XRCC5: variants seen among roughly 807,000 people sequenced by gnomAD.
XRCC5 encodes DNA repair protein Ku80.
A neutral mutation model predicts 95.7 loss-of-function variants in XRCC5; 12 were observed. That is an observed-to-expected ratio of 0.13 (90% confidence interval 0.08 to 0.20). The LOEUF (loss-of-function observed/expected upper bound fraction) is 0.20. Among genes scored for constraint, XRCC5 ranks in the 10% least tolerant of loss-of-function variants. XRCC5 has a pLI of 1.00. For synonymous variants in XRCC5, 281 were observed against 290.3 expected (o/e 0.97, Z 0.33); for missense variants, 595 against 873.9 (o/e 0.68, Z 4.02).
chr2:216,142,321 A>G (rs1350324175), intron 13 of XRCC5, among the ~76,000 whole-genome samples: 2 of 152,218 alleles, frequency 1.3e-5, no homozygotes, highest in African/African-American at 2.4e-5. Context: ...AAAATTTCAT[A>G]ATTAAAGGGA....
At chr2:216,123,507 A>G (rs1420876298) in intron 6 of XRCC5, among the ~76,000 whole-genome samples, 4 of 152,194 alleles carry the variant, frequency 2.6e-5, no homozygotes, top group Non-Finnish European at 4.4e-5. Context: ...TACCCATGAT[A>G]TCACAAAGAA....
intron 16 of XRCC5, among the ~76,000 whole-genome samples, chr2:216,187,821 A>ACACACT (rs1312215177): frequency 2.9e-4 from 14 of 47,966 alleles, no homozygotes; most frequent in African/African-American, 1.0e-3. Flanking sequence ...ACACACACAC[A>ACACACT]CTCTCTCTCT....
chr2:216,191,905 CT>C (rs1689620932), intron 17 of XRCC5, among the ~76,000 whole-genome samples: 1 of 152,098 alleles, frequency 6.6e-6, no homozygotes, highest in Non-Finnish European at 1.5e-5. Flanking sequence ...AATAATTTGA[CT>C]GAAATTTGCT....
At position 216,206,094 on chromosome 2, in the gene XRCC5, C is replaced by T. The variant is rs952176947; in HGVS notation, c.*892C>T. On this transcript the variant is annotated 3_prime_UTR_variant, in exon 21 of 21. Transcript: ENST00000392132. ...CTTTCATCTTTGTGGATGGTGTCTC[C>T]TTTACTAAATAAGAAAATAACAAAG... 1.3e-5 allele frequency: 2 copies of T among 152,150 alleles called. No individual in the cohort carries two copies. The highest frequency in any genetic ancestry group is 1.3e-4 in the Admixed American group (2 of 15,272). The allele number at this position is 152,150 out of a possible 1,614,324, so 9.4% of individuals were successfully genotyped here.
In XRCC5 at chr2:216,132,337, T is replaced by C. The variant is rs772381040; in HGVS notation, c.1063T>C (p.Phe355Leu). ...TCCTCTCTTGTAGGTTCAGAGAAGA[T>C]TCTTCATGGGAAATCAAGTTCTAAA... The part of the protein sequence containing the change: ...FCKSSQVQRR[F>L]FMGNQVLKVF... The change falls in exon 10 of 21, where the codon TTC (phenylalanine) becomes CTC (leucine). Residue 355 changes from phenylalanine (F) to leucine (L), a missense_variant. Physicochemically the swap from Phe to Leu is conservative, Grantham distance 22. This residue lies in a region of XRCC5 where 286 missense variants were observed against 491.1 expected (regional missense o/e 0.58). Coordinates refer to ENST00000392132, the MANE Select transcript of XRCC5 (RefSeq NM_021141.4). The C allele has an allele frequency of 1.2e-6, 2 of 1,613,998 alleles. No individual in the cohort carries two copies. The highest frequency in any genetic ancestry group is 4.5e-5 in the East Asian group (2 of 44,874).
intron 16 of XRCC5, among the ~76,000 whole-genome samples, chr2:216,165,030 A>G (rs1040491363): frequency 6.6e-6 from 1 of 152,208 alleles, no homozygotes; most frequent in African/African-American, 2.4e-5. Context: ...ATAGCATGTA[A>G]GTTAACAATT....
chr2:216,154,630 A>G (rs1483874769), intron 14 of XRCC5, among the ~76,000 whole-genome samples: 1 of 152,256 alleles, frequency 6.6e-6, no homozygotes, highest in Non-Finnish European at 1.5e-5. Context: ...TCTTAAAAGT[A>G]GTGATTCTTA....
Position 216,199,654 on chromosome 2 carries a change from G to A in XRCC5, c.2109+4668G>A, listed in dbSNP as rs945627847. Among the ~76,000 whole-genome samples, 4 of 152,162 alleles carry A rather than the reference G, an allele frequency of 2.6e-5. No individual in the cohort carries two copies. In the East Asian group the frequency reaches 7.7e-4, roughly 29 times the overall value. On this transcript the variant is annotated intron_variant, in intron 19 of 20. Transcript: ENST00000392132. Reference sequence around the variant, plus strand: ...TGCTCTTCATCTGTCAGTTCTCCTGGCTCTGTAGTGGGTGGAAGAGGTAAA... The same window carrying A: ...TGCTCTTCATCTGTCAGTTCTCCTGACTCTGTAGTGGGTGGAAGAGGTAAA...
intron 12 of XRCC5, among the ~76,000 whole-genome samples, chr2:216,139,024 A>T (rs1285883310): frequency 6.6e-6 from 1 of 152,148 alleles, no homozygotes; most frequent in Non-Finnish European, 1.5e-5. Flanking sequence ...TCCTTCTAGA[A>T]ATGAGTCTGT....
At chr2:216,156,644 C>A (rs1688848236) in intron 14 of XRCC5, 1 of 556,170 alleles carries the variant, frequency 1.8e-6, no homozygotes, top group Non-Finnish European at 3.6e-6. Flanking sequence ...CATATAGTGA[C>A]CCCAAATGCA....
At chr2:216,194,466 CAA>C (rs984148443) in intron 18 of XRCC5, among the ~76,000 whole-genome samples, 2 of 152,126 alleles carry the variant, frequency 1.3e-5, no homozygotes, top group Admixed American at 6.5e-5. Context: ...AAGGAATAAA[CAA>C]AGTGATCTGA....
intron 16 of XRCC5, among the ~76,000 whole-genome samples, chr2:216,184,606 C>T (rs979793068): frequency 2.0e-5 from 3 of 152,194 alleles, no homozygotes; most frequent in African/African-American, 7.2e-5. Context: ...CCTCAGCCTC[C>T]TGAGTAGCTG....
At chr2:216,136,944 T>C (rs1697091772) in intron 10 of XRCC5, 144 bp from the exon 11 acceptor site, 1 of 873,170 alleles carries the variant, frequency 1.1e-6, no homozygotes, top group African/African-American at 1.7e-5. Context: ...CAAAAGCAAA[T>C]GTGTGCACTT....
chr2:216,115,459 T>C (rs981152031), intron 2 of XRCC5, among the ~76,000 whole-genome samples: 8 of 152,200 alleles, frequency 5.3e-5, no homozygotes, highest in African/African-American at 1.7e-4. Context: ...GGCAGATACC[T>C]GCCCAGCCAG....
chr2:216,204,460 C>T (rs1375584890), intron 20 of XRCC5, 64 bp downstream of exon 20: 2 of 1,549,990 alleles, frequency 1.3e-6, no homozygotes, highest in Non-Finnish European at 1.8e-6. Flanking sequence ...TAAATACAGC[C>T]ACAAAGGCTG....
chr2:216,122,323 T>C lies in XRCC5; in HGVS notation c.683+70T>C, dbSNP rs1696825244. 3.5e-5 allele frequency: 49 copies of C among 1,418,718 alleles called. No homozygotes were observed. The South Asian group carries it at 6.6e-4, about 19-fold the overall frequency. The allele number at this position is 1,418,718 out of a possible 1,614,324, so 87.9% of individuals were successfully genotyped here. On this transcript the variant is annotated intron_variant, in intron 6 of 20. Coordinates refer to ENST00000392132, the MANE Select transcript of XRCC5 (RefSeq NM_021141.4). ...TAAATTTCTCTTTTGATTAGAGGTC[T>C]CCCAAATGTTTCCTTTTTCTGGGCC...
At chr2:216,119,959 T>C (rs376370301) in intron 5 of XRCC5, among the ~76,000 whole-genome samples, 3 of 152,334 alleles carry the variant, frequency 2.0e-5, no homozygotes, top group South Asian at 4.1e-4. Flanking sequence ...GGAATACTCG[T>C]TTTTCAAATT....
At chr2:216,137,016 T>TA in intron 10 of XRCC5, 72 bp from the exon 11 acceptor site, 3 of 1,525,154 alleles carry the variant, frequency 2.0e-6, no homozygotes, top group Non-Finnish European at 2.6e-6. Context: ...ATAACAGTCT[T>TA]AAAGTATTGA....
chr2:216,184,075 A>G (rs6732583), intron 16 of XRCC5, among the ~76,000 whole-genome samples: 11 of 134,488 alleles, frequency 8.2e-5, no homozygotes, highest in South Asian at 2.4e-4. Flanking sequence ...TGTGTGTGTG[A>G]TTTAGAGAAA....
Sources: allele counts gnomAD v4.1 joint callset (sites outside exome capture counted in the v4.1 genomes callset), GRCh38; gene constraint gnomAD v4.1.1; regional missense constraint gnomAD v4.1.1; transcripts MANE v1.5; gene names NCBI Gene and HGNC (gene_info 2026-07-23, HGNC 2026-07-21).